The following RBM3 variants were observed in gnomAD, a reference collection of about 807,000 sequenced individuals.
The protein encoded by RBM3 is RNA-binding protein 3.
RBM3 carries 3 observed loss-of-function variants against 12.0 expected under a neutral mutation model. That is an observed-to-expected ratio of 0.25 (90% CI 0.11 to 0.65). RBM3 has a LOEUF of 0.65. Among genes scored for constraint, RBM3 ranks in the 30% least tolerant of loss-of-function variants. RBM3 has a pLI of 0.84. For synonymous variants in RBM3, 58 were observed against 45.7 expected, an observed-to-expected ratio of 1.27 and a Z score of -1.08; for missense variants, 108 against 134.5, an observed-to-expected ratio of 0.80 and a Z score of 0.97.
At chrX:48,577,400 G>T in intron 6 of RBM3, 65 bp from the exon 7 acceptor site, 2 of 862,974 alleles carry the variant, frequency 2.3e-6, no homozygotes, top group Non-Finnish European at 3.2e-6. Flanking sequence ...TCAGCTCTAG[G>T]AGGTGAGCAT....
rs1378836284 is a variant in RBM3, at chrX:48,578,991, T to C, written c.*1550T>C. The C allele has an allele frequency of 8.9e-6, 1 of 111,975 alleles. No homozygotes were observed. Among genetic ancestry groups the C allele is most frequent in the Non-Finnish European group, 1.9e-5 (1 of 53,199 alleles). 9.2% of individuals were successfully genotyped at this position (111,975 alleles called of 1,213,427 possible). On this transcript the variant is annotated 3_prime_UTR_variant, in exon 7 of 7. Coordinates refer to ENST00000376759, the MANE Select transcript of RBM3 (RefSeq NM_006743.5). ...CAGCCTTATGCCATTTTACATTTTCTGTGGAGGGTTAGGTTAATTGGCATA... is the reference window on the plus strand; with the variant it reads ...CAGCCTTATGCCATTTTACATTTTCCGTGGAGGGTTAGGTTAATTGGCATA...
rs1302451586 is a variant in RBM3, at chrX:48,579,582, A to G, written c.*2141A>G. On this transcript the variant is annotated 3_prime_UTR_variant, in exon 7 of 7. Transcript: ENST00000376759. Reference sequence around the variant, plus strand: ...AGGACGCATCTTATTCTGGGCCTTTAGGGAGCTAAGGCAGTGAGAATTGGC... The same window carrying G: ...AGGACGCATCTTATTCTGGGCCTTTGGGGAGCTAAGGCAGTGAGAATTGGC... 9.0e-6 allele frequency among the ~76,000 whole-genome samples: 1 copy of G among 111,512 alleles called. No homozygotes were observed. The highest frequency in any genetic ancestry group is 1.9e-5 in the Non-Finnish European group (1 of 53,059).
In RBM3 at chrX:48,578,614, A is replaced by T. The variant is rs1196874510; in HGVS notation, c.*1173A>T. ...CATCAACGAGAGGGAGGCTTGGAGA[A>T]TATTTGGTTGGTGGGTGGGCAGGGA... On this transcript the variant is annotated 3_prime_UTR_variant, in exon 7 of 7. Transcript: ENST00000376759. 1.8e-5 allele frequency: 2 copies of T among 110,366 alleles called. No homozygotes were observed. The highest frequency in any genetic ancestry group is 6.6e-5 in the African/African-American group (2 of 30,424). The allele number at this position is 110,366 out of a possible 1,213,427, so 9.1% of individuals were successfully genotyped here.
Position 48,576,566 on chromosome X carries a change from T to C in RBM3, c.375T>C (p.Tyr125=). 8.5e-7 allele frequency: 1 copy of C among 1,179,065 alleles called. No individual in the cohort carries two copies. The highest frequency in any genetic ancestry group is 1.1e-6 in the Non-Finnish European group (1 of 878,798). ...GRYYDSRPGG[Y]GYGYGRSRDY... is the part of the protein sequence containing the mutation. ...ATTATGACAGTCGACCTGGAGGGTA[T>C]GGATATGGATATGGACGTTCCAGAG... The change falls in exon 5 of 7, where the codon TAT becomes TAC. Residue 125 remains tyrosine, a synonymous_variant. Transcript: ENST00000376759.
intron 1 of RBM3, chrX:48,574,830 T>TA (rs782214875): frequency 1.7e-5 from 6 of 348,453 alleles, no homozygotes; most frequent in South Asian, 2.6e-5. Flanking sequence ...AGCCGACACT[T>TA]ACTTTCCTTA....
chrX:48,577,767 C>A lies in RBM3; in HGVS notation c.*326C>A. The A allele has an allele frequency of 5.4e-6, 1 of 183,950 alleles. No individual in the cohort carries two copies. The highest frequency in any genetic ancestry group is 1.0e-5 in the Non-Finnish European group (1 of 98,724). 15.2% of individuals were successfully genotyped at this position (183,950 alleles called of 1,213,427 possible). On this transcript the variant is annotated 3_prime_UTR_variant, in exon 7 of 7. Coordinates refer to ENST00000376759, the MANE Select transcript of RBM3 (RefSeq NM_006743.5). ...CAATAATTGGTTCTGGCAAGTTTGG[C>A]CAGACTGACTTCAAAAAATTAATGT... is the stretch of plus-strand genomic sequence containing the variant.
intron 1 of RBM3, 139 bp from the exon 2 acceptor site, chrX:48,575,029 G>T: frequency 2.0e-6 from 1 of 493,639 alleles, no homozygotes; most frequent in Non-Finnish European, 3.5e-6. Context: ...GCCTTTCTCA[G>T]CTTTTCTGTA....
chrX:48,574,624 G>A (rs1556988760), intron 1 of RBM3, 51 bp downstream of exon 1: 1 of 331,766 alleles, frequency 3.0e-6, no homozygotes, highest in African/African-American at 2.6e-5. Context: ...CACACGCGCC[G>A]CGCCGGCCGT....
chrX:48,575,541 A>G lies in RBM3; in HGVS notation c.104-20A>G, dbSNP rs1182559645. 3 of 1,189,805 alleles carry G rather than the reference A, an allele frequency of 2.5e-6. No individual in the cohort carries two copies. The highest frequency in any genetic ancestry group is 1.8e-5 in the African/African-American group (1 of 56,519). On this transcript the variant is annotated intron_variant, in intron 2 of 6. Transcript: ENST00000376759. The stretch of plus-strand genomic sequence containing the variant: ...GGTACTGACTGGTCCACATTGCTCC[A>G]TCTTCTCTCCCTCTCACAGTGGTCG...
rs1370220055 is a variant in RBM3 at position 48,580,552 on chromosome X, A to G, written c.*3111A>G. 4.5e-5 allele frequency among the ~76,000 whole-genome samples: 5 copies of G among 111,215 alleles called. No homozygotes were observed. The highest frequency in any genetic ancestry group is 1.6e-4 in the African/African-American group (5 of 30,602). On this transcript the variant is annotated 3_prime_UTR_variant, in exon 7 of 7. Transcript: ENST00000376759. ...GCTGGGATTACAGGTGCCTGCCACC[A>G]CGCCCGGCTAATTTTTGTATTAATA... is the stretch of plus-strand genomic sequence containing the variant.
Position 48,579,146 on chromosome X carries a change from C to G in RBM3, c.*1705C>G, listed in dbSNP as rs899669490. On this transcript the variant is annotated 3_prime_UTR_variant, in exon 7 of 7. Coordinates refer to ENST00000376759, the MANE Select transcript of RBM3 (RefSeq NM_006743.5). ...TGGTCTTAGTTCCTCAGTTCTGCTC[C>G]CTTTAGTCATGGTTCTTTCTAGTGG... The G allele has an allele frequency of 5.4e-5, 6 of 111,024 alleles. No individual in the cohort carries two copies. Among genetic ancestry groups the G allele is most frequent in the Non-Finnish European group, 1.1e-4 (6 of 52,951 alleles). 9.1% of individuals were successfully genotyped at this position (111,024 alleles called of 1,213,427 possible).
rs782544494 is a variant in RBM3 at position 48,576,991 on chromosome X, C to T, written c.414-35C>T. The T allele has an allele frequency of 1.1e-5, 13 of 1,198,017 alleles. 1 individual carries two copies. In the East Asian group the frequency reaches 3.3e-4, roughly 31 times the overall value. On this transcript the variant is annotated intron_variant, in intron 5 of 6. Transcript: ENST00000376759. ...TTACAGTGGTATATATAATGCAGTA[C>T]CAGAAAACTTTTGTGTGTTTTTTTT...
rs1556989321 is a variant in RBM3 at position 48,576,593 on chromosome X, C to G, written c.402C>G (p.Asp134Glu). The G allele has an allele frequency of 8.5e-7, 1 of 1,175,229 alleles. No individual in the cohort carries two copies. The highest frequency in any genetic ancestry group is 2.5e-5 in the Admixed American group (1 of 39,826). ...GATATGGATATGGACGTTCCAGAGA[C>G]TATAATGGCAGGTGGGTAGCCAAAG... ...GYGYGYGRSR[D>E]YNGRNQGGYD... The change falls in exon 5 of 7, where the codon GAC (aspartate) becomes GAG (glutamate). Residue 134 changes from aspartate (D) to glutamate (E), a missense_variant. Physicochemically the swap from Asp to Glu is conservative, Grantham distance 45 (BLOSUM62 2). Coordinates refer to ENST00000376759, the MANE Select transcript of RBM3 (RefSeq NM_006743.5).
chrX:48,574,893 T>C (rs1255161244), intron 1 of RBM3: 1 of 402,379 alleles, frequency 2.5e-6, no homozygotes, highest in African/African-American at 2.5e-5. Context: ...AACGCAGGGA[T>C]GTTCTGGGCT....
chrX:48,574,552 T>C lies in RBM3; in HGVS notation c.-35T>C, dbSNP rs1253406463. 1 of 330,934 alleles carries C rather than the reference T, an allele frequency of 3.0e-6. No homozygotes were observed. The highest frequency in any genetic ancestry group is 2.6e-5 in the African/African-American group (1 of 37,864). 27.3% of individuals were successfully genotyped at this position (330,934 alleles called of 1,213,427 possible). A position where few individuals can be genotyped will look rare whatever the true frequency, so the allele number is the denominator to read the frequency against. Reference sequence around the variant, plus strand: ...CCTCCGAGCTCGCTGTTCGTCCGGGTTTTTTACGTTTTAATTTCCAGGTAA... The same window carrying C: ...CCTCCGAGCTCGCTGTTCGTCCGGGCTTTTTACGTTTTAATTTCCAGGTAA... On this transcript the variant is annotated 5_prime_UTR_variant, in exon 1 of 7. Transcript: ENST00000376759.
intron 6 of RBM3, 51 bp downstream of exon 6, chrX:48,577,160 T>C (rs2062084687): frequency 8.3e-7 from 1 of 1,204,761 alleles, no homozygotes; most frequent in African/African-American, 1.8e-5. Flanking sequence ...CACTCTGTCA[T>C]GACCCTCTCA....
At chrX:48,575,339 C>T in intron 2 of RBM3, 56 bp downstream of exon 2, 1 of 1,043,076 alleles carries the variant, frequency 9.6e-7, no homozygotes, top group Admixed American at 2.4e-5. Context: ...GGGATCCTTG[C>T]ATTTCAAGGA....
Position 48,576,398 on chromosome X carries a change from C to T in RBM3, c.295C>T (p.Arg99Cys), listed in dbSNP as rs782287047. The change falls in exon 4 of 7, where the codon CGT (arginine) becomes TGT (cysteine). Residue 99 changes from arginine to cysteine, a missense_variant. This residue lies in a region of RBM3 where 65 missense variants were observed against 54.9 expected (regional missense o/e 1.18). Transcript: ENST00000376759. Reference sequence around the variant, plus strand: ...AGGAGGTGGCTTTGGGGCCCATGGGCGTGGTCGCAGCTACTCTAGAGGTGA... The same window carrying T: ...AGGAGGTGGCTTTGGGGCCCATGGGTGTGGTCGCAGCTACTCTAGAGGTGA... ...TRGGGFGAHG[R>C]GRSYSRGGGD... 5.0e-6 allele frequency: 6 copies of T among 1,210,086 alleles called. No individual in the cohort carries two copies. The highest frequency in any genetic ancestry group is 2.2e-5 in the Admixed American group (1 of 45,830).
chrX:48,577,249 G>T, intron 6 of RBM3, 140 bp downstream of exon 6: 2 of 1,128,137 alleles, frequency 1.8e-6, no homozygotes, highest in South Asian at 4.3e-5. Context: ...TCCTAGCTAG[G>T]CCTTCCTTGC....
Sources: gnomAD v4.1 joint callset for allele counts (sites outside exome capture counted in the v4.1 genomes callset) on GRCh38, gnomAD v4.1.1 for gene constraint, gnomAD v4.1.1 regional missense constraint, MANE v1.5 for transcripts, NCBI Gene and HGNC (gene_info 2026-07-23, HGNC 2026-07-21) for gene names.